WDR59: variants seen among roughly 807,000 people sequenced by gnomAD.
WDR59 encodes WD repeat domain 59.
In WDR59, 100 loss-of-function variants were observed where a neutral mutation model predicts 131.2. That is an observed-to-expected ratio of 0.76 (90% CI 0.65 to 0.90). The LOEUF (loss-of-function observed/expected upper bound fraction) is 0.90. Ranked by LOEUF, WDR59 falls within the 40% of genes least tolerant of loss-of-function variation. The pLI, the probability that WDR59 is intolerant of heterozygous loss-of-function variation, is 0.00. For synonymous variants in WDR59, 601 were observed against 466.2 expected, an observed-to-expected ratio of 1.29 and a Z score of -3.72; for missense variants, 1,203 against 1,262.2, an observed-to-expected ratio of 0.95 and a Z score of 0.71.
rs370917154 is a variant in WDR59 at position 74,978,160 on chromosome 16, C to G, written c.54+6804G>C. On this transcript the variant is annotated intron_variant, in intron 1 of 25. Coordinates refer to ENST00000262144, the MANE Select transcript of WDR59 (RefSeq NM_030581.4). ...CGTGAGGTCAGGAGTTCAAGACCAG[C>G]CTGGCAAAGATGGTTAGCCAGGCGT... is the stretch of plus-strand genomic sequence containing the variant. 3.3e-5 allele frequency among the ~76,000 whole-genome samples: 5 copies of G among 152,102 alleles called. No individual in the cohort carries two copies. In the South Asian group the frequency reaches 1.0e-3, roughly 32 times the overall value.
chr16:74,899,307 G>A (rs1349211241), intron 18 of WDR59, among the ~76,000 whole-genome samples: 1 of 152,172 alleles, frequency 6.6e-6, no homozygotes, highest in African/African-American at 2.4e-5. Flanking sequence ...AGACAAAATA[G>A]TGGAAGCCTC....
chr16:74,958,276 C>A (rs973498766), intron 2 of WDR59, among the ~76,000 whole-genome samples: 8 of 151,836 alleles, frequency 5.3e-5, no homozygotes, highest in African/African-American at 1.9e-4. Context: ...AACAGGTGGA[C>A]AAATGGTAAT....
rs982888713 is a variant in WDR59, at chr16:74,965,811, C to T, written c.66G>A (p.Met22Ile). 1 of 1,614,142 alleles carries T rather than the reference C, an allele frequency of 6.2e-7. No homozygotes were observed. The highest frequency in any genetic ancestry group is 8.5e-7 in the Non-Finnish European group (1 of 1,180,010). ...VEFRDSQATA[M>I]SVDCLGQHAV... ...CATGCTGCCCAAGACAGTCCACAGA[C>T]ATCGCAGTTGCCTGAGAGAGAGAAC... is the stretch of plus-strand genomic sequence containing the variant. The change falls in exon 2 of 26, where the codon ATG becomes ATA. Residue 22 changes from methionine to isoleucine, a missense_variant. Coordinates refer to ENST00000262144, the MANE Select transcript of WDR59 (RefSeq NM_030581.4).
chr16:74,961,311 C>G (rs2033556962), intron 2 of WDR59, among the ~76,000 whole-genome samples: 2 of 151,944 alleles, frequency 1.3e-5, no homozygotes, highest in African/African-American at 4.8e-5. Context: ...AAAACAACAA[C>G]AACAACAAAA....
intron 10 of WDR59, among the ~76,000 whole-genome samples, chr16:74,918,604 TA>T (rs1966503526): frequency 6.6e-6 from 1 of 152,242 alleles, no homozygotes; most frequent in Non-Finnish European, 1.5e-5. Context: ...ATTTTCATCT[TA>T]ACTCTGGTCA....
chr16:74,904,157 T>A, intron 17 of WDR59, 57 bp from the exon 18 acceptor site: 1 of 1,573,298 alleles, frequency 6.4e-7, no homozygotes, highest in Non-Finnish European at 8.6e-7. Flanking sequence ...TATTTCCAAG[T>A]GGTGCTATTC....
At chr16:74,946,957 G>C (rs891684039) in intron 6 of WDR59, among the ~76,000 whole-genome samples, 1 of 152,116 alleles carries the variant, frequency 6.6e-6, no homozygotes, top group Non-Finnish European at 1.5e-5. Flanking sequence ...CTTTTATAAA[G>C]GATGTCAAAA....
intron 6 of WDR59, among the ~76,000 whole-genome samples, chr16:74,943,935 G>C (rs1285977634): frequency 2.6e-5 from 4 of 152,190 alleles, no homozygotes; most frequent in African/African-American, 9.7e-5. Flanking sequence ...ATGTCATCTA[G>C]AACAAATGGT....
intron 17 of WDR59, among the ~76,000 whole-genome samples, chr16:74,905,201 C>T (rs1047801146): frequency 2.8e-4 from 42 of 151,786 alleles, no homozygotes; most frequent in Non-Finnish European, 4.9e-4. Flanking sequence ...CGTGGAGAAA[C>T]CCCATCACTA....
chr16:74,889,598 T>C, intron 21 of WDR59, 105 bp downstream of exon 21: 1 of 823,230 alleles, frequency 1.2e-6, no homozygotes, highest in South Asian at 1.7e-5. Context: ...CTTCCTTTCA[T>C]TCCTCGGGCC....
intron 8 of WDR59, among the ~76,000 whole-genome samples, chr16:74,934,508 G>T (rs1317081817): frequency 1.3e-5 from 2 of 152,118 alleles, no homozygotes; most frequent in African/African-American, 4.8e-5. Context: ...GCAAACAGAA[G>T]ACTTCATTCT....
chr16:74,887,593 T>C, intron 23 of WDR59, 90 bp downstream of exon 23: 1 of 1,209,214 alleles, frequency 8.3e-7, no homozygotes, highest in Non-Finnish European at 1.2e-6. Context: ...TAAGAAAAAA[T>C]ATGGAGACTA....
Position 74,955,807 on chromosome 16 carries a change from CA to C in WDR59, c.240+667del, listed in dbSNP as rs138075581. Among the ~76,000 whole-genome samples the C allele has an allele frequency of 1.9e-3, 287 of 152,096 alleles. 2 individuals carry two copies. Among genetic ancestry groups the C allele is most frequent in the African/African-American group, 6.7e-3 (278 of 41,506 alleles). On this transcript the variant is annotated intron_variant, in intron 3 of 25. Transcript: ENST00000262144. ...TCCTGCCAGCCCAATGCAAAAAGAG[CA>C]AAAAGTTTAGATCTCTCATTATTCT...
At chr16:74,918,276 T>A (rs1966489307) in intron 10 of WDR59, among the ~76,000 whole-genome samples, 1 of 152,188 alleles carries the variant, frequency 6.6e-6, no homozygotes, top group African/African-American at 2.4e-5. Flanking sequence ...GGACAGAGAC[T>A]GATGGTGGAA....
intron 4 of WDR59, 199 bp from the exon 5 acceptor site, chr16:74,949,997 C>T (rs1179193985): frequency 1.6e-6 from 1 of 617,106 alleles, no homozygotes; most frequent in Non-Finnish European, 3.1e-6. Context: ...CCTTCGCCAG[C>T]TATACCATCA....
chr16:74,972,080 C>CTCTATCAAAACAGGTATCTT (rs2034005617), intron 1 of WDR59, among the ~76,000 whole-genome samples: 1 of 152,188 alleles, frequency 6.6e-6, no homozygotes, highest in Admixed American at 6.6e-5. Flanking sequence ...CAGGACTGCT[C>CTCTATCAAAACAGGTATCTT]TCTATCAAAA....
At chr16:74,960,018 T>C (rs1053962277) in intron 2 of WDR59, among the ~76,000 whole-genome samples, 4 of 152,016 alleles carry the variant, frequency 2.6e-5, no homozygotes, top group Admixed American at 2.6e-4. Context: ...TTTTTTTAAA[T>C]CTGAAAGTAG....
chr16:74,919,544 TGTTGGCCAG>T (rs961720090), intron 10 of WDR59, among the ~76,000 whole-genome samples: 1 of 151,772 alleles, frequency 6.6e-6, no homozygotes, highest in African/African-American at 2.4e-5. Flanking sequence ...GGTTTCATCA[TGTTGGCCAG>T]GCTGGTCTCA....
At chr16:74,925,799 T>C (rs2030730441) in intron 8 of WDR59, among the ~76,000 whole-genome samples, 1 of 151,376 alleles carries the variant, frequency 6.6e-6, no homozygotes, top group African/African-American at 2.4e-5. Flanking sequence ...GAGGCTAAGG[T>C]AGGTGGATCA....
Sources: allele counts gnomAD v4.1 joint callset (sites outside exome capture counted in the v4.1 genomes callset), GRCh38; gene constraint gnomAD v4.1.1; transcripts MANE v1.5; gene names NCBI Gene and HGNC (gene_info 2026-07-23, HGNC 2026-07-21).